Variants in TENM2 observed in about 807,000 individuals in gnomAD.
TENM2 encodes teneurin-2.
TENM2 carries 52 observed loss-of-function variants against 245.2 expected under a neutral mutation model. The observed-to-expected ratio is 0.21, with a 90% confidence interval of 0.17 to 0.27. The LOEUF (loss-of-function observed/expected upper bound fraction) is 0.27. Among genes scored for constraint, TENM2 ranks in the 10% least tolerant of loss-of-function variants. The pLI, the probability that TENM2 is intolerant of heterozygous loss-of-function variation, is 1.00. For synonymous variants in TENM2, 1,363 were observed against 1,438.9 expected (o/e 0.95, Z 1.19); for missense variants, 3,046 against 3,666.8 (o/e 0.83, Z 4.37).
chr5:167,271,195 A>G, the TENM2 span, among the ~76,000 whole-genome samples: 1 of 152,076 alleles, frequency 6.6e-6, no homozygotes. Flanking sequence ...AAAGCTCTGC[A>G]TGGTGAGGAG....
At chr5:167,201,709 T>C in the TENM2 span, among the ~76,000 whole-genome samples, 1 of 152,322 alleles carries the variant, frequency 6.6e-6, no homozygotes, top group East Asian at 1.9e-4. Flanking sequence ...TGTTTAGAGA[T>C]GTGTGTGCTC....
In TENM2 at chr5:168,218,353, C is replaced by T; in HGVS notation, c.4462C>T (p.Leu1488Phe). 1 of 1,614,058 alleles carries T rather than the reference C, an allele frequency of 6.2e-7. No individual in the cohort carries two copies. The highest frequency in any genetic ancestry group is 8.5e-7 in the Non-Finnish European group (1 of 1,179,912). ...CATTGCCATTTCTCACACTGGGGTCCTCTACATCACTGAGACAGATGAGAA... is the reference window on the plus strand; with the variant it reads ...CATTGCCATTTCTCACACTGGGGTCTTCTACATCACTGAGACAGATGAGAA... Residue 1488 changes from leucine to phenylalanine, a missense_variant, in exon 23 of 29, where the codon CTC becomes TTC. Transcript: ENST00000518659. The surrounding 1 kb of genome is among the most constrained non-coding windows in gnomAD (Gnocchi z 5.2).
chr5:168,226,095 C>G (rs1446216971), exon 24 of TENM2: 2 of 1,612,886 alleles, frequency 1.2e-6, no homozygotes, highest in African/African-American at 2.7e-5. Flanking sequence ...CAGCTATGAC[C>G]ACGAAGGCCG....
intron 25 of TENM2, among the ~76,000 whole-genome samples, chr5:168,235,259 A>G (rs1765320778): frequency 6.6e-6 from 1 of 152,238 alleles, no homozygotes; most frequent in South Asian, 2.1e-4. Flanking sequence ...ATTAGTGAAC[A>G]AAAGATTTCA....
chr5:167,497,705 A>G (rs1768908154), intron 2 of TENM2, among the ~76,000 whole-genome samples: 1 of 152,214 alleles, frequency 6.6e-6, no homozygotes, highest in East Asian at 1.9e-4. Context: ...GCTAAACAGC[A>G]AACTTGTTTC....
At chr5:167,621,032 G>T (rs958344665) in intron 2 of TENM2, among the ~76,000 whole-genome samples, 1 of 152,072 alleles carries the variant, frequency 6.6e-6, no homozygotes, top group African/African-American at 2.4e-5. Context: ...AAGAAGTAAG[G>T]AGAGAGACAG....
At chr5:167,295,287 C>G (rs1481053499) in intron 1 of TENM2, among the ~76,000 whole-genome samples, 1 of 152,222 alleles carries the variant, frequency 6.6e-6, no homozygotes, top group Non-Finnish European at 1.5e-5. Context: ...ACTTTTCTGC[C>G]ATTTACTCTG....
the TENM2 span, among the ~76,000 whole-genome samples, chr5:167,007,008 C>T: frequency 5.0e-4 from 76 of 152,256 alleles, no homozygotes; most frequent in Middle Eastern, 3.4e-3. The surrounding 1 kb of genome is among the most constrained non-coding windows in gnomAD (Gnocchi z 4.2). Context: ...TAATATGCTC[C>T]TTTAAGTCAA....
At position 168,179,842 on chromosome 5, in the gene TENM2, G is replaced by C. The variant is rs576262627; in HGVS notation, c.2570-10495G>C. ...GTCTTAATAAAGGCATGCGTTTAAA[G>C]TACCTAACCCAGTGCCAGGCACCCA... On this transcript the variant is annotated intron_variant, in intron 13 of 28. Transcript: ENST00000518659. 3.3e-5 allele frequency among the ~76,000 whole-genome samples: 5 copies of C among 152,314 alleles called. No homozygotes were observed. The East Asian group carries it at 9.6e-4, about 29-fold the overall frequency.
intron 3 of TENM2, among the ~76,000 whole-genome samples, chr5:167,883,785 C>G (rs905966758): frequency 6.6e-6 from 1 of 152,194 alleles, no homozygotes. Flanking sequence ...AGAGTACATT[C>G]AATTCTAACT....
intron 23 of TENM2, among the ~76,000 whole-genome samples, chr5:168,222,833 T>C (rs1763786328): frequency 6.6e-6 from 1 of 152,238 alleles, no homozygotes. Context: ...CCTCTTCAGC[T>C]AGCATGAGTG....
chr5:167,760,128 C>T (rs1434930399), intron 2 of TENM2, among the ~76,000 whole-genome samples: 2 of 152,124 alleles, frequency 1.3e-5, no homozygotes, highest in African/African-American at 2.4e-5. Context: ...CTATGCCCAG[C>T]TCTTCACTGG....
chr5:167,005,151 T>C, the TENM2 span, among the ~76,000 whole-genome samples: 50 of 152,302 alleles, frequency 3.3e-4, no homozygotes, highest in African/African-American at 1.1e-3. Context: ...CAAGGGAATA[T>C]AGTATGGATT....
intron 1 of TENM2, among the ~76,000 whole-genome samples, chr5:167,344,650 A>G (rs28589817): frequency 0.014 from 2,167 of 152,278 alleles, 59 homozygotes; most frequent in African/African-American, 0.05. Flanking sequence ...CTTTCTAGCA[A>G]TCAGCCAGGA....
chr5:167,915,626 T>A (rs928567919), intron 3 of TENM2, among the ~76,000 whole-genome samples: 5 of 152,064 alleles, frequency 3.3e-5, no homozygotes, highest in Non-Finnish European at 7.4e-5. Flanking sequence ...ATCCCCATTC[T>A]CCAATCCCTC....
At chr5:167,854,820 A>C (rs953052363) in intron 2 of TENM2, among the ~76,000 whole-genome samples, 1 of 152,134 alleles carries the variant, frequency 6.6e-6, no homozygotes, top group Non-Finnish European at 1.5e-5. Flanking sequence ...CCATCAGTCA[A>C]ACATATTGCC....
chr5:168,044,682 A>G (rs1040369993), intron 5 of TENM2, among the ~76,000 whole-genome samples: 1 of 152,156 alleles, frequency 6.6e-6, no homozygotes, highest in African/African-American at 2.4e-5. Context: ...TTAAGGAGCC[A>G]TTATTCTACC....
At chr5:167,546,579 A>G (rs1189665517) in intron 2 of TENM2, among the ~76,000 whole-genome samples, 1 of 152,180 alleles carries the variant, frequency 6.6e-6, no homozygotes, top group Non-Finnish European at 1.5e-5. Flanking sequence ...GAAGGTAAAT[A>G]TTCTTTGCGA....
intron 5 of TENM2, among the ~76,000 whole-genome samples, chr5:167,999,947 G>A (rs528094615): frequency 1.3e-5 from 2 of 152,306 alleles, no homozygotes; most frequent in South Asian, 2.1e-4. Flanking sequence ...CCAGGACTTC[G>A]TGCCTCCACA....
Sources: allele counts gnomAD v4.1 joint callset (sites outside exome capture counted in the v4.1 genomes callset), GRCh38; gene constraint gnomAD v4.1.1; non-coding constraint Gnocchi (gnomAD v3.1); transcripts MANE v1.5; gene names NCBI Gene and HGNC (gene_info 2026-07-23, HGNC 2026-07-21).